The following DLGAP2 variants were observed in gnomAD, a reference collection of about 807,000 sequenced individuals.
DLGAP2 encodes the protein disks large-associated protein 2.
In DLGAP2, 26 loss-of-function variants were observed where a neutral mutation model predicts 100.3. The ratio of observed to expected loss-of-function variants is 0.26; its 90% confidence interval spans 0.19 to 0.36. The LOEUF is 0.36. DLGAP2 is among the 10% of genes least tolerant of loss of function. The pLI is 1.00. For synonymous variants in DLGAP2, 886 were observed against 630.1 expected (o/e 1.41, Z -6.08); for missense variants, 1,858 against 1,453.2 (o/e 1.28, Z -4.53).
chr8:1,216,206 A>C (rs534679020), intron 2 of DLGAP2, among the ~76,000 whole-genome samples: 1 of 152,322 alleles, frequency 6.6e-6, no homozygotes, highest in South Asian at 2.1e-4. Context: ...ACCATGTCAC[A>C]TTGGGGTCTT....
intron 3 of DLGAP2, among the ~76,000 whole-genome samples, chr8:1,356,397 A>C (rs1343356217): frequency 6.6e-6 from 1 of 152,206 alleles, no homozygotes; most frequent in Non-Finnish European, 1.5e-5. Context: ...TGCCAACCAG[A>C]AAAATAAAAC....
intron 1 of DLGAP2, among the ~76,000 whole-genome samples, chr8:745,399 C>G (rs1479698454): frequency 6.6e-6 from 1 of 152,172 alleles, no homozygotes; most frequent in Non-Finnish European, 1.5e-5. Flanking sequence ...TAATTAGATT[C>G]AAAGTTTTAT....
At chr8:1,386,786 C>G (rs1208045561) in intron 3 of DLGAP2, among the ~76,000 whole-genome samples, 2 of 150,932 alleles carry the variant, frequency 1.3e-5, no homozygotes, top group Admixed American at 6.6e-5. Context: ...AGGTGAGATC[C>G]AAAGAAAAAA....
chr8:1,613,713 G>C (rs1223559412), intron 6 of DLGAP2, among the ~76,000 whole-genome samples: 1 of 152,162 alleles, frequency 6.6e-6, no homozygotes, highest in Non-Finnish European at 1.5e-5. Context: ...TAGTTTAACA[G>C]CAGCAGTAAA....
chr8:1,518,928 G>A (rs549523743), intron 4 of DLGAP2, among the ~76,000 whole-genome samples: 6 of 152,250 alleles, frequency 3.9e-5, no homozygotes, highest in South Asian at 2.1e-4. Flanking sequence ...CTCCCTCTGC[G>A]TGGCTAAGAT....
intron 2 of DLGAP2, among the ~76,000 whole-genome samples, chr8:1,177,849 C>T (rs1797294880): frequency 2.0e-5 from 3 of 152,110 alleles, no homozygotes; most frequent in South Asian, 4.1e-4. Context: ...CCCAAGGGCC[C>T]CACCTCATAA....
At chr8:1,667,376 A>G (rs926380252) in intron 8 of DLGAP2, among the ~76,000 whole-genome samples, 17 of 152,036 alleles carry the variant, frequency 1.1e-4, no homozygotes, top group African/African-American at 4.1e-4. Flanking sequence ...GGTGGTACAG[A>G]ATGCCCCATG....
chr8:963,966 T>G (rs918646626), intron 2 of DLGAP2, among the ~76,000 whole-genome samples: 2 of 152,228 alleles, frequency 1.3e-5, no homozygotes, highest in Admixed American at 6.5e-5. Context: ...AGATCACTTA[T>G]TAAAATTCAA....
chr8:1,383,739 G>A (rs187879699), intron 3 of DLGAP2, among the ~76,000 whole-genome samples: 24 of 152,272 alleles, frequency 1.6e-4, no homozygotes, highest in Admixed American at 6.5e-4. Context: ...GAATGGCCAC[G>A]TCAGAGCCTA....
rs1328146632 is a variant in DLGAP2 at position 1,701,439 on chromosome 8, C to G, written c.*33C>G. 2.6e-6 allele frequency: 4 copies of G among 1,546,458 alleles called. No homozygotes were observed. Among genetic ancestry groups the G allele is most frequent in the African/African-American group, 1.4e-5 (1 of 72,954 alleles). ...GGCCGGCGCCTTCCCCTCGTCGCTT[C>G]CGCTTTCCCGGACGCTTGTGCAGCG... On this transcript the variant is annotated 3_prime_UTR_variant, in exon 15 of 15. Coordinates refer to ENST00000637795, the MANE Select transcript of DLGAP2 (RefSeq NM_001346810.2).
intron 2 of DLGAP2, among the ~76,000 whole-genome samples, chr8:1,168,322 A>G (rs1385111519): frequency 1.3e-5 from 2 of 151,846 alleles, no homozygotes; most frequent in African/African-American, 4.8e-5. Context: ...TGCTATTGTG[A>G]ATAGTGCCGC....
At chr8:1,092,557 T>C (rs1804220948) in intron 2 of DLGAP2, among the ~76,000 whole-genome samples, 1 of 152,184 alleles carries the variant, frequency 6.6e-6, no homozygotes, top group Non-Finnish European at 1.5e-5. Context: ...TGTGGCCGGC[T>C]CTGTGGCATC....
chr8:1,221,611 C>A (rs1798315895), intron 2 of DLGAP2, among the ~76,000 whole-genome samples: 1 of 151,984 alleles, frequency 6.6e-6, no homozygotes, highest in Non-Finnish European at 1.5e-5. Context: ...CTCAGGGGTT[C>A]TCTGAATTTC....
intron 1 of DLGAP2, among the ~76,000 whole-genome samples, chr8:796,963 G>A (rs187798779): frequency 6.6e-6 from 1 of 152,308 alleles, no homozygotes; most frequent in East Asian, 1.9e-4. Context: ...CAAACGACAA[G>A]CCTTCCCCAA....
chr8:1,250,632 G>T (rs568924774), intron 2 of DLGAP2: 2 of 152,036 alleles, frequency 1.3e-5, no homozygotes, highest in Non-Finnish European at 2.9e-5. Context: ...TTCCCTCCCT[G>T]TCTGTGCATC....
At chr8:1,269,575 C>G (rs972588183) in intron 3 of DLGAP2, among the ~76,000 whole-genome samples, 12 of 152,294 alleles carry the variant, frequency 7.9e-5, no homozygotes, top group African/African-American at 2.9e-4. Context: ...TAATTGTGCT[C>G]TCCTCTCTGA....
chr8:1,389,233 C>T (rs960516527), intron 3 of DLGAP2, among the ~76,000 whole-genome samples: 48 of 148,118 alleles, frequency 3.2e-4, no homozygotes, highest in African/African-American at 1.3e-3. Context: ...GAGCGGTACT[C>T]TGGAGGAGGA....
intron 2 of DLGAP2, among the ~76,000 whole-genome samples, chr8:1,130,215 G>A (rs1369434325): frequency 6.6e-6 from 1 of 152,170 alleles, no homozygotes; most frequent in Non-Finnish European, 1.5e-5. Context: ...GTGCGTTATT[G>A]ACAAACGCAC....
At chr8:1,511,969 G>C (rs1372477519) in intron 4 of DLGAP2, among the ~76,000 whole-genome samples, 1 of 152,234 alleles carries the variant, frequency 6.6e-6, no homozygotes, top group African/African-American at 2.4e-5. Context: ...CCACCACTCG[G>C]GTTTGGTATT....
Sources: gnomAD v4.1 joint callset for allele counts (sites outside exome capture counted in the v4.1 genomes callset) on GRCh38, gnomAD v4.1.1 for gene constraint, MANE v1.5 for transcripts, NCBI Gene and HGNC (gene_info 2026-07-23, HGNC 2026-07-21) for gene names.